Variants in GAS7 observed in about 807,000 individuals in gnomAD.
The protein encoded by GAS7 is growth arrest-specific protein 7.
GAS7 carries 28 observed loss-of-function variants against 71.1 expected under a neutral mutation model. The ratio of observed to expected loss-of-function variants is 0.39; its 90% confidence interval spans 0.29 to 0.54. The LOEUF (loss-of-function observed/expected upper bound fraction) is 0.54, where lower values mean the gene tolerates loss of function less well. GAS7 is among the 20% of genes least tolerant of loss of function. The pLI is 0.62. For synonymous variants in GAS7, 258 were observed against 245.8 expected (o/e 1.05, Z -0.46); for missense variants, 436 against 627.8 (o/e 0.69, Z 3.27).
chr17:10,023,986 T>G (rs763832296), intron 1 of GAS7, among the ~76,000 whole-genome samples: 1 of 152,168 alleles, frequency 6.6e-6, no homozygotes, highest in Non-Finnish European at 1.5e-5. Context: ...TAGCTGGGCA[T>G]GGTGGCAGGT....
chr17:10,182,181 C>T (rs574945247), intron 1 of GAS7, among the ~76,000 whole-genome samples: 9 of 152,246 alleles, frequency 5.9e-5, no homozygotes, highest in South Asian at 4.1e-4. Flanking sequence ...GTGTGTGTGA[C>T]GGAGTTTCAC....
rs1294738998 is a variant in GAS7 at position 10,112,773 on chromosome 17, G to GAA, written c.183+85433_183+85434dup. ...ACAAAGAAAAGAAAAAAGAAAGAAA[G>GAA]AAAGAGAGAAAGAGAAAGAAAGAAA... is the stretch of plus-strand genomic sequence containing the variant. On this transcript the variant is annotated intron_variant, in intron 1 of 13. Coordinates refer to ENST00000432992, the MANE Select transcript of GAS7 (RefSeq NM_201433.2). Among the ~76,000 whole-genome samples, 396 of 127,518 alleles carry GAA rather than the reference G, an allele frequency of 3.1e-3. 3 individuals are homozygous for GAA. Among genetic ancestry groups the GAA allele is most frequent in the Non-Finnish European group, 5.1e-3 (301 of 58,764 alleles). The allele number at this position is 127,518 out of a possible 152,430, so 83.7% of individuals were successfully genotyped here.
In GAS7 at chr17:10,150,584, T is replaced by A. The variant is rs572410486; in HGVS notation, c.183+47624A>T. Reference sequence around the variant, plus strand: ...CATCTGGACTCAGTAATGAGGCTGTTACATTTCTTTTTTTTTTTTTTTTAG... The same window carrying A: ...CATCTGGACTCAGTAATGAGGCTGTAACATTTCTTTTTTTTTTTTTTTTAG... On this transcript the variant is annotated intron_variant, in intron 1 of 13. Transcript: ENST00000432992. 3.7e-3 allele frequency among the ~76,000 whole-genome samples: 379 copies of A among 101,640 alleles called. 3 individuals carry two copies. The highest frequency in any genetic ancestry group is 0.015 in the African/African-American group (345 of 22,492). The allele number at this position is 101,640 out of a possible 152,430, so 66.7% of individuals were successfully genotyped here. A position where few individuals can be genotyped will look rare whatever the true frequency, so the allele number is the denominator to read the frequency against.
At chr17:10,092,918 C>G (rs552494960) in intron 1 of GAS7, among the ~76,000 whole-genome samples, 1 of 152,276 alleles carries the variant, frequency 6.6e-6, no homozygotes, top group Admixed American at 6.5e-5. Flanking sequence ...TTAGGACCCA[C>G]CCAGATAATC....
In GAS7 at chr17:9,920,090, A is replaced by AT. The variant is rs560535223; in HGVS notation, c.1139-386dup. Reference sequence around the variant, plus strand: ...TTCCCTCTCTAAAGATGGCAGTTTTATTTTACACTGGGGAGTCCAGATTGG... The same window carrying AT: ...TTCCCTCTCTAAAGATGGCAGTTTTATTTTTACACTGGGGAGTCCAGATTGG... On this transcript the variant is annotated intron_variant, in intron 11 of 13. Coordinates refer to ENST00000432992, the MANE Select transcript of GAS7 (RefSeq NM_201433.2). 4.5e-3 allele frequency among the ~76,000 whole-genome samples: 669 copies of AT among 149,962 alleles called. 2 individuals carry two copies. Among genetic ancestry groups the AT allele is most frequent in the Middle Eastern group, 0.01 (3 of 288 alleles).
chr17:10,012,801 G>A (rs1049238720), intron 2 of GAS7, among the ~76,000 whole-genome samples: 1 of 151,976 alleles, frequency 6.6e-6, no homozygotes, highest in Non-Finnish European at 1.5e-5. Context: ...TGGGGTTAGT[G>A]CCATTAAAAG....
intron 1 of GAS7, among the ~76,000 whole-genome samples, chr17:10,064,860 G>A (rs572434576): frequency 3.9e-4 from 59 of 152,262 alleles, no homozygotes; most frequent in African/African-American, 1.2e-3. Context: ...ACTGGATCTC[G>A]CTCTGTCCCC....
intron 6 of GAS7, among the ~76,000 whole-genome samples, chr17:9,945,151 C>A (rs547638102): frequency 5.9e-5 from 9 of 152,172 alleles, no homozygotes; most frequent in African/African-American, 2.2e-4. Flanking sequence ...AGGGCTCAAA[C>A]CACTCTCTCC....
At chr17:10,089,366 T>C (rs2073556450) in intron 1 of GAS7, among the ~76,000 whole-genome samples, 1 of 152,080 alleles carries the variant, frequency 6.6e-6, no homozygotes, top group South Asian at 2.1e-4. Context: ...GGCATGGAGC[T>C]TTGCAGCCAG....
chr17:10,191,926 T>G (rs537432484), intron 1 of GAS7, among the ~76,000 whole-genome samples: 1 of 149,964 alleles, frequency 6.7e-6, no homozygotes, highest in East Asian at 1.9e-4. Flanking sequence ...TTTTGACATA[T>G]GAAATTTGAG....
intron 7 of GAS7, among the ~76,000 whole-genome samples, chr17:9,940,807 C>T (rs1027683121): frequency 1.4e-4 from 22 of 152,208 alleles, no homozygotes; most frequent in Admixed American, 6.5e-5. Flanking sequence ...GGCAGGCAGG[C>T]CTTTGACACA....
chr17:9,965,553 C>T (rs2069672280), intron 4 of GAS7, among the ~76,000 whole-genome samples: 1 of 152,156 alleles, frequency 6.6e-6, no homozygotes, highest in Non-Finnish European at 1.5e-5. Flanking sequence ...AGGACAAATA[C>T]CTACTGCACG....
rs1372334107 is a variant in GAS7 at position 9,947,979 on chromosome 17, A to G, written c.526-996T>C. 5.3e-5 allele frequency among the ~76,000 whole-genome samples: 8 copies of G among 152,334 alleles called. No homozygotes were observed. In the South Asian group the frequency reaches 1.7e-3, roughly 32 times the overall value. On this transcript the variant is annotated intron_variant, in intron 5 of 13. Transcript: ENST00000432992. ...CCTTGAGGATGACCCACTTCCACTT[A>G]AAGAATAGTAATTATATTTTTCTTG...
At chr17:10,139,236 C>T (rs1300416560) in intron 1 of GAS7, among the ~76,000 whole-genome samples, 1 of 152,162 alleles carries the variant, frequency 6.6e-6, no homozygotes, top group African/African-American at 2.4e-5. Flanking sequence ...TCATCTATAA[C>T]CAATTTTAAA....
chr17:10,026,980 T>G lies in GAS7; in HGVS notation c.184-7083A>C, dbSNP rs17554770. ...TGCACAGAAAATAGTAGGGGACCCC[T>G]GGCAACGTCACAACACATCCTGAGG... On this transcript the variant is annotated intron_variant, in intron 1 of 13. Coordinates refer to ENST00000432992, the MANE Select transcript of GAS7 (RefSeq NM_201433.2). The surrounding 1 kb of genome is among the most constrained non-coding windows in gnomAD (Gnocchi z 4.5). 0.15 allele frequency: 22,672 copies of G among 152,182 alleles called. 1,802 individuals are homozygous for G. Among genetic ancestry groups the G allele is most frequent in the African/African-American group, 0.2 (8,326 of 41,516 alleles). 9.4% of individuals were successfully genotyped at this position (152,182 alleles called of 1,614,324 possible).
intron 2 of GAS7, among the ~76,000 whole-genome samples, chr17:10,005,201 G>GTA (rs2071460994): frequency 6.8e-6 from 1 of 147,396 alleles, no homozygotes; most frequent in Non-Finnish European, 1.5e-5. Flanking sequence ...ACGCATGCAT[G>GTA]TGTGTGCATG....
intron 1 of GAS7, among the ~76,000 whole-genome samples, chr17:10,081,197 T>G (rs2073452998): frequency 6.6e-6 from 1 of 152,218 alleles, no homozygotes; most frequent in Non-Finnish European, 1.5e-5. Flanking sequence ...TCTTGTTGCC[T>G]AGGCTGGAGT....
intron 1 of GAS7, among the ~76,000 whole-genome samples, chr17:10,179,735 A>T (rs932727541): frequency 6.6e-6 from 1 of 152,198 alleles, no homozygotes; most frequent in Non-Finnish European, 1.5e-5. Flanking sequence ...AACCAGACAA[A>T]CAGAACCAAG....
chr17:10,140,409 C>T (rs777389041), intron 1 of GAS7, among the ~76,000 whole-genome samples: 3 of 152,020 alleles, frequency 2.0e-5, no homozygotes, highest in African/African-American at 7.3e-5. Flanking sequence ...TGCAGTGAGC[C>T]GTGACTGCCA....
Sources: gnomAD v4.1 joint callset for allele counts (sites outside exome capture counted in the v4.1 genomes callset) on GRCh38, gnomAD v4.1.1 for gene constraint, Gnocchi (gnomAD v3.1) non-coding constraint, MANE v1.5 for transcripts, NCBI Gene and HGNC (gene_info 2026-07-23, HGNC 2026-07-21) for gene names.